The following RGL1 variants were observed in gnomAD, a reference collection of about 807,000 sequenced individuals.
RGL1 encodes ral guanine nucleotide dissociation stimulator-like 1.
RGL1 carries 24 observed loss-of-function variants against 95.2 expected under a neutral mutation model. The ratio of observed to expected loss-of-function variants is 0.25; its 90% confidence interval spans 0.18 to 0.35. The LOEUF is 0.35. Ranked by LOEUF, RGL1 falls within the 10% of genes least tolerant of loss-of-function variation. The pLI, the probability that RGL1 is intolerant of heterozygous loss-of-function variation, is 1.00. For synonymous variants in RGL1, 329 were observed against 344.9 expected, an observed-to-expected ratio of 0.95 and a Z score of 0.51; for missense variants, 715 against 936.3, an observed-to-expected ratio of 0.76 and a Z score of 3.08.
intron 2 of RGL1, among the ~76,000 whole-genome samples, chr1:183,812,212 A>G (rs1661769818): frequency 6.6e-6 from 1 of 152,244 alleles, no homozygotes; most frequent in Non-Finnish European, 1.5e-5. Flanking sequence ...GTTTCTATAA[A>G]CAGAGCAAGA....
chr1:183,877,501 G>A (rs1666568369), intron 4 of RGL1, among the ~76,000 whole-genome samples: 1 of 152,232 alleles, frequency 6.6e-6, no homozygotes, highest in Non-Finnish European at 1.5e-5. Flanking sequence ...CAAAGCTACT[G>A]TGAGCCTTGG....
chr1:183,681,275 A>T (rs992050040), intron 1 of RGL1, among the ~76,000 whole-genome samples: 1 of 152,194 alleles, frequency 6.6e-6, no homozygotes. Flanking sequence ...GAATGCTTTC[A>T]GCTTTTGCCC....
intron 1 of RGL1, among the ~76,000 whole-genome samples, chr1:183,740,746 C>A (rs1430913178): frequency 1.3e-5 from 2 of 152,074 alleles, no homozygotes; most frequent in Non-Finnish European, 2.9e-5. Context: ...GAAGAGGTAA[C>A]CTGACTTTTA....
chr1:183,903,980 G>C (rs1668175018), intron 12 of RGL1, among the ~76,000 whole-genome samples: 1 of 152,192 alleles, frequency 6.6e-6, no homozygotes, highest in African/African-American at 2.4e-5. Flanking sequence ...ACCAGTTCTT[G>C]AGTTACTTCT....
intron 1 of RGL1, among the ~76,000 whole-genome samples, chr1:183,711,203 G>A (rs1655243389): frequency 1.3e-5 from 2 of 152,198 alleles, no homozygotes; most frequent in Non-Finnish European, 2.9e-5. Flanking sequence ...GCAAAGGGTA[G>A]CCTGCTGCAC....
In RGL1 at chr1:183,805,240, G is replaced by T. The variant is rs1035767517; in HGVS notation, c.-58G>T. 5.6e-6 allele frequency: 9 copies of T among 1,600,948 alleles called. No individual in the cohort carries two copies. In the Admixed American group the frequency reaches 1.0e-4, roughly 18 times the overall value. Reference sequence around the variant, plus strand: ...CGGGGCTGAGCCCAGCAGACATTGCGTTGGCCTCCGAGCAGGGCGCATCAT... The same window carrying T: ...CGGGGCTGAGCCCAGCAGACATTGCTTTGGCCTCCGAGCAGGGCGCATCAT... On this transcript the variant is annotated 5_prime_UTR_variant, in exon 1 of 18. Coordinates refer to ENST00000360851, the MANE Select transcript of RGL1 (RefSeq NM_001297671.3).
At chr1:183,640,561 T>C (rs1283767188) in intron 1 of RGL1, among the ~76,000 whole-genome samples, 1 of 152,208 alleles carries the variant, frequency 6.6e-6, no homozygotes, top group Non-Finnish European at 1.5e-5. Context: ...ATTTTTAAAA[T>C]ATTGTGAATG....
At chr1:183,810,821 A>AT (rs778513069) in intron 2 of RGL1, among the ~76,000 whole-genome samples, 18 of 152,128 alleles carry the variant, frequency 1.2e-4, no homozygotes, top group Non-Finnish European at 2.4e-4. Flanking sequence ...GCCTTCTCTA[A>AT]TCCCCCAGCT....
chr1:183,845,517 T>G (rs975158692), intron 2 of RGL1, among the ~76,000 whole-genome samples: 6 of 152,242 alleles, frequency 3.9e-5, no homozygotes, highest in African/African-American at 9.6e-5. Context: ...ACAGTTTCAT[T>G]TTCATGTGCT....
At chr1:183,755,637 AT>A (rs1658279522) in intron 2 of RGL1, among the ~76,000 whole-genome samples, 1 of 152,196 alleles carries the variant, frequency 6.6e-6, no homozygotes, top group African/African-American at 2.4e-5. Context: ...TCAACTATAC[AT>A]TTAAAATGGA....
At chr1:183,775,383 T>G (rs1375091172) in intron 2 of RGL1, among the ~76,000 whole-genome samples, 1 of 152,256 alleles carries the variant, frequency 6.6e-6, no homozygotes, top group African/African-American at 2.4e-5. Context: ...AGTGCACTGA[T>G]TTAATTTTCT....
intron 10 of RGL1, 125 bp from the exon 11 acceptor site, chr1:183,900,025 G>A: frequency 3.3e-6 from 2 of 607,914 alleles, no homozygotes; most frequent in Non-Finnish European, 6.0e-6. Context: ...TGTTATTCAT[G>A]GAGGTTAGCA....
At chr1:183,726,459 A>G (rs1196328837) in intron 1 of RGL1, among the ~76,000 whole-genome samples, 3 of 152,076 alleles carry the variant, frequency 2.0e-5, no homozygotes, top group South Asian at 2.1e-4. Context: ...AAGATTCTTT[A>G]TATACTAAAT....
chr1:183,737,563 T>C (rs1394256923), intron 1 of RGL1, among the ~76,000 whole-genome samples: 1 of 144,374 alleles, frequency 6.9e-6, no homozygotes, highest in African/African-American at 2.6e-5. Context: ...CTGGGCAACA[T>C]AGTGAGATTC....
Position 183,892,093 on chromosome 1 carries a change from T to G in RGL1, c.1072T>G (p.Phe358Val). The change falls in exon 9 of 18, where the codon TTT becomes GTT. Residue 358 changes from phenylalanine (F) to valine (V), a missense_variant. Transcript: ENST00000360851. ...AAVPRDRMLM[F>V]EELSDIFSDH... ...TTTTCATAGGGACCGAATGCTGATGTTTGAAGAACTTTCAGATATCTTCTC... is the reference window on the plus strand; with the variant it reads ...TTTTCATAGGGACCGAATGCTGATGGTTGAAGAACTTTCAGATATCTTCTC... The G allele has an allele frequency of 1.2e-6, 2 of 1,612,478 alleles. No individual in the cohort carries two copies. Among genetic ancestry groups the G allele is most frequent in the South Asian group, 2.2e-5 (2 of 91,034 alleles).
chr1:183,763,260 A>T (rs1658799071), intron 2 of RGL1, among the ~76,000 whole-genome samples: 2 of 152,106 alleles, frequency 1.3e-5, no homozygotes, highest in African/African-American at 4.8e-5. Context: ...CTAGGGGAGA[A>T]ATAGCATTAG....
intron 2 of RGL1, among the ~76,000 whole-genome samples, chr1:183,781,957 T>A (rs1370092615): frequency 6.6e-6 from 1 of 152,242 alleles, no homozygotes; most frequent in African/African-American, 2.4e-5. Context: ...TTTCCCAGAC[T>A]CATGTAGCTG....
Position 183,662,866 on chromosome 1 carries a change from A to G in RGL1, c.-33+26365A>G, listed in dbSNP as rs576020813. Among the ~76,000 whole-genome samples, 22 of 152,328 alleles carry G rather than the reference A, an allele frequency of 1.4e-4. No individual in the cohort carries two copies. In the South Asian group the frequency reaches 4.3e-3, roughly 30 times the overall value. ...ATGGTACTGGTACCAAAACAGAGAC[A>G]TAGATCAATGGAACAGAACAGAGCC... On this transcript the variant is annotated intron_variant, in intron 1 of 18. Coordinates refer to the RGL1 transcript ENST00000304685.
chr1:183,908,011 A>C (rs1427234370), intron 14 of RGL1, among the ~76,000 whole-genome samples: 2 of 152,044 alleles, frequency 1.3e-5, no homozygotes, highest in African/African-American at 4.8e-5. Context: ...AACAAAACAA[A>C]ACAAAACAAC....
Sources: gnomAD v4.1 joint callset for allele counts (sites outside exome capture counted in the v4.1 genomes callset) on GRCh38, gnomAD v4.1.1 for gene constraint, MANE v1.5 for transcripts, NCBI Gene and HGNC (gene_info 2026-07-23, HGNC 2026-07-21) for gene names.